Variants in B3GALT1 observed in about 807,000 individuals in gnomAD.
B3GALT1 encodes the protein UDP-Gal:betaGlcNAc beta 1,3-galactosyltransferase, polypeptide 1.
B3GALT1 carries 10 observed loss-of-function variants against 23.2 expected under a neutral mutation model. That is an observed-to-expected ratio of 0.43 (90% CI 0.27 to 0.73). B3GALT1 has a LOEUF of 0.73. Among genes scored for constraint, B3GALT1 ranks in the 30% least tolerant of loss-of-function variants. The pLI is 0.21. For missense variants in B3GALT1, 299 were observed against 405.4 expected (o/e 0.74, Z 2.25); for synonymous variants, 156 against 141.5 (o/e 1.10, Z -0.73).
At chr2:167,646,157 T>C (rs1685745534) in intron 2 of B3GALT1, among the ~76,000 whole-genome samples, 1 of 152,128 alleles carries the variant, frequency 6.6e-6, no homozygotes, top group Non-Finnish European at 1.5e-5. Context: ...TGGTACAAAT[T>C]AAATTTCCTG....
intron 3 of B3GALT1, among the ~76,000 whole-genome samples, chr2:167,808,315 A>G (rs1175813294): frequency 1.3e-5 from 2 of 151,442 alleles, no homozygotes; most frequent in African/African-American, 4.9e-5. Flanking sequence ...TAAGGTTAAT[A>G]TTGTTATGTG....
At chr2:167,442,017 T>A (rs1698901556) in intron 1 of B3GALT1, among the ~76,000 whole-genome samples, 5 of 151,978 alleles carry the variant, frequency 3.3e-5, no homozygotes, top group Admixed American at 2.6e-4. Flanking sequence ...CTCCCAATGC[T>A]ATCCCTCCCC....
At chr2:167,839,695 A>T (rs1689588703) in intron 4 of B3GALT1, among the ~76,000 whole-genome samples, 1 of 152,218 alleles carries the variant, frequency 6.6e-6, no homozygotes, top group Admixed American at 6.5e-5. Context: ...GTTCATATGG[A>T]ACCAAAAAAG....
At chr2:167,515,961 G>A (rs1170290988) in intron 2 of B3GALT1, among the ~76,000 whole-genome samples, 3 of 152,072 alleles carry the variant, frequency 2.0e-5, no homozygotes, top group Non-Finnish European at 2.9e-5. Flanking sequence ...TATGTATTCA[G>A]CGTATTCTAG....
chr2:167,603,792 C>G (rs569661013), intron 2 of B3GALT1, among the ~76,000 whole-genome samples: 1 of 152,140 alleles, frequency 6.6e-6, no homozygotes, highest in East Asian at 1.9e-4. Context: ...TTGTGAAACG[C>G]AAGAGACTGT....
chr2:167,680,302 C>T (rs1355064415), intron 3 of B3GALT1, among the ~76,000 whole-genome samples: 2 of 152,176 alleles, frequency 1.3e-5, no homozygotes, highest in South Asian at 2.1e-4. Flanking sequence ...TTTGTTTCTA[C>T]ATTTCAGTAA....
intron 1 of B3GALT1, among the ~76,000 whole-genome samples, chr2:167,454,825 A>T (rs1407042410): frequency 6.6e-6 from 1 of 152,152 alleles, no homozygotes. Flanking sequence ...GTGAGTCTTA[A>T]CCATGCTAAA....
chr2:167,603,462 G>A (rs1684908559), intron 2 of B3GALT1, among the ~76,000 whole-genome samples: 1 of 152,232 alleles, frequency 6.6e-6, no homozygotes, highest in East Asian at 1.9e-4. Context: ...TCCATCATGG[G>A]ATTGTTGTGA....
chr2:167,667,488 A>G (rs1256914418), intron 3 of B3GALT1, among the ~76,000 whole-genome samples: 1 of 151,988 alleles, frequency 6.6e-6, no homozygotes, highest in South Asian at 2.1e-4. Context: ...CTGAATCTGA[A>G]TGTTGGCCTG....
intron 3 of B3GALT1, among the ~76,000 whole-genome samples, chr2:167,703,128 T>C (rs1051012466): frequency 6.6e-6 from 1 of 152,230 alleles, no homozygotes; most frequent in Non-Finnish European, 1.5e-5. Flanking sequence ...CTCTCCTAAA[T>C]ACTTTCAAAT....
At chr2:167,521,855 TTTTTA>T (rs977001682) in intron 2 of B3GALT1, among the ~76,000 whole-genome samples, 7 of 151,502 alleles carry the variant, frequency 4.6e-5, no homozygotes, top group Admixed American at 3.3e-4. Context: ...CATTCATATG[TTTTTA>T]TTTTATTACC....
intron 3 of B3GALT1, among the ~76,000 whole-genome samples, chr2:167,816,752 A>G (rs887020987): frequency 2.6e-5 from 4 of 152,238 alleles, no homozygotes; most frequent in Non-Finnish European, 5.9e-5. Context: ...GTCAACATTC[A>G]GTACATGTTT....
At chr2:167,830,018 T>C (rs1689313902) in intron 4 of B3GALT1, among the ~76,000 whole-genome samples, 1 of 152,184 alleles carries the variant, frequency 6.6e-6, no homozygotes, top group African/African-American at 2.4e-5. Context: ...GGATGTTCTT[T>C]ATGAACAACC....
chr2:167,561,761 A>G (rs1683999393), intron 2 of B3GALT1, among the ~76,000 whole-genome samples: 1 of 152,242 alleles, frequency 6.6e-6, no homozygotes, highest in Non-Finnish European at 1.5e-5. Context: ...ACCAAGAAGA[A>G]GTTGAATCTC....
chr2:167,435,940 T>G (rs188840444), intron 1 of B3GALT1, among the ~76,000 whole-genome samples: 1 of 144,710 alleles, frequency 6.9e-6, no homozygotes, highest in Admixed American at 6.9e-5. Flanking sequence ...ATGTCTACCC[T>G]CCACACACAC....
intron 4 of B3GALT1, among the ~76,000 whole-genome samples, chr2:167,864,580 A>G (rs997799858): frequency 2.0e-5 from 3 of 152,146 alleles, no homozygotes; most frequent in East Asian, 1.9e-4. Context: ...TTAATAAAAA[A>G]TAAATGCATA....
chr2:167,514,202 C>T (rs895878650), intron 2 of B3GALT1, among the ~76,000 whole-genome samples: 4 of 152,124 alleles, frequency 2.6e-5, no homozygotes, highest in African/African-American at 7.2e-5. Flanking sequence ...CCACCACACC[C>T]GGCCCCATGT....
intron 1 of B3GALT1, among the ~76,000 whole-genome samples, chr2:167,421,973 G>C (rs1409001515): frequency 6.6e-6 from 1 of 151,960 alleles, no homozygotes; most frequent in African/African-American, 2.4e-5. Flanking sequence ...CCTAAAATCA[G>C]GTTTTGAATT....
chr2:167,619,837 G>A (rs186286406), intron 2 of B3GALT1, among the ~76,000 whole-genome samples: 6 of 152,188 alleles, frequency 3.9e-5, no homozygotes, highest in South Asian at 2.1e-4. Flanking sequence ...TTATTAAGGC[G>A]CACTGCAGTG....
Sources: allele counts gnomAD v4.1 joint callset (sites outside exome capture counted in the v4.1 genomes callset), GRCh38; gene constraint gnomAD v4.1.1; transcripts MANE v1.5; gene names NCBI Gene and HGNC (gene_info 2026-07-23, HGNC 2026-07-21).